ADAMTSL1: variants seen among roughly 807,000 people sequenced by gnomAD.
ADAMTSL1 encodes ADAMTS-like protein 1.
In ADAMTSL1, 126 loss-of-function variants were observed where a neutral mutation model predicts 201.8. That is an observed-to-expected ratio of 0.62 (90% CI 0.54 to 0.72). ADAMTSL1 has a LOEUF of 0.72. ADAMTSL1 is among the 30% of genes least tolerant of loss of function. ADAMTSL1 has a pLI of 0.00. For synonymous variants in ADAMTSL1, 1,121 were observed against 903.4 expected (o/e 1.24, Z -4.32); for missense variants, 2,679 against 2,277.8 (o/e 1.18, Z -3.59).
chr9:18,775,733 T>A lies in ADAMTSL1; in HGVS notation c.2398-10T>A. The A allele has an allele frequency of 6.2e-7, 1 of 1,611,836 alleles. No individual in the cohort carries two copies. The highest frequency in any genetic ancestry group is 1.3e-5 in the African/African-American group (1 of 75,014). ...AATTTATGTGCATTTGGCCTTTCTT[T>A]CTCCACCAGTGTTCCACAAGCTGCG... On this transcript the variant is annotated splice_polypyrimidine_tract_variant and intron_variant, in intron 17 of 28. Coordinates refer to ENST00000380548, the MANE Select transcript of ADAMTSL1 (RefSeq NM_001040272.6).
intron 14 of ADAMTSL1, among the ~76,000 whole-genome samples, chr9:18,719,879 G>A (rs1288024400): frequency 6.6e-6 from 1 of 152,132 alleles, no homozygotes; most frequent in Non-Finnish European, 1.5e-5. Context: ...TGGGTCAACT[G>A]TACTATACTA....
At chr9:18,162,668 T>G (rs544047954) in intron 1 of ADAMTSL1, among the ~76,000 whole-genome samples, 1 of 151,988 alleles carries the variant, frequency 6.6e-6, no homozygotes, top group Non-Finnish European at 1.5e-5. Flanking sequence ...ACTAATTTAT[T>G]ATGCATTATT....
At chr9:18,058,142 T>C (rs1040485779) in intron 1 of ADAMTSL1, among the ~76,000 whole-genome samples, 5 of 152,196 alleles carry the variant, frequency 3.3e-5, no homozygotes, top group Non-Finnish European at 5.9e-5. Context: ...ATTAAATGAA[T>C]GGAAGAATAA....
intron 23 of ADAMTSL1, among the ~76,000 whole-genome samples, chr9:18,839,089 T>C (rs1035723807): frequency 6.6e-6 from 1 of 150,970 alleles, no homozygotes; most frequent in African/African-American, 2.4e-5. Context: ...AATGTGCAGG[T>C]TACTTACATA....
chr9:18,551,330 T>TA (rs1654022104), intron 3 of ADAMTSL1, among the ~76,000 whole-genome samples: 2 of 151,950 alleles, frequency 1.3e-5, no homozygotes, highest in Non-Finnish European at 2.9e-5. Flanking sequence ...ATAATTTGTT[T>TA]AGGACAATTT....
chr9:18,431,634 T>C (rs1819494841), intron 2 of ADAMTSL1, among the ~76,000 whole-genome samples: 1 of 152,152 alleles, frequency 6.6e-6, no homozygotes, highest in African/African-American at 2.4e-5. Context: ...ACCCAGCCTC[T>C]GCTTGAACAT....
chr9:18,023,115 T>C (rs1446684515), intron 1 of ADAMTSL1, among the ~76,000 whole-genome samples: 6 of 150,818 alleles, frequency 4.0e-5, no homozygotes, highest in Admixed American at 2.7e-4. Flanking sequence ...TGATGGTTTC[T>C]AGATCTCTAG....
intron 22 of ADAMTSL1, among the ~76,000 whole-genome samples, chr9:18,828,711 A>G (rs12375862): frequency 0.76 from 74,940 of 99,098 alleles, 28,752 homozygotes; most frequent in Non-Finnish European, 0.81. Context: ...GTGTGTGTGT[A>G]TATATATATA....
intron 1 of ADAMTSL1, among the ~76,000 whole-genome samples, chr9:17,917,745 C>T (rs983161933): frequency 1.3e-5 from 2 of 151,920 alleles, no homozygotes; most frequent in African/African-American, 4.8e-5. Flanking sequence ...TCTGCAATCT[C>T]TATATGATTT....
At chr9:18,331,697 G>T (rs1835035332) in intron 2 of ADAMTSL1, among the ~76,000 whole-genome samples, 2 of 152,116 alleles carry the variant, frequency 1.3e-5, no homozygotes, top group African/African-American at 2.4e-5. Flanking sequence ...CTATCCTATT[G>T]CCACCTTTCC....
chr9:18,648,080 G>A (rs1192524240), intron 7 of ADAMTSL1, among the ~76,000 whole-genome samples: 1 of 146,676 alleles, frequency 6.8e-6, no homozygotes, highest in Non-Finnish European at 1.5e-5. Flanking sequence ...CCTGTATTGG[G>A]TGCATATATA....
chr9:18,141,116 T>C (rs1384319146), intron 1 of ADAMTSL1, among the ~76,000 whole-genome samples: 1 of 152,180 alleles, frequency 6.6e-6, no homozygotes, highest in African/African-American at 2.4e-5. Context: ...AGCCCTGGGC[T>C]CGAAGCTAGT....
intron 5 of ADAMTSL1, among the ~76,000 whole-genome samples, chr9:18,634,500 C>T (rs982689876): frequency 6.6e-6 from 1 of 151,790 alleles, no homozygotes; most frequent in Admixed American, 6.6e-5. Context: ...GAAGCTAAGG[C>T]TGCAGTGAGC....
chr9:18,590,880 G>A (rs774666992), intron 4 of ADAMTSL1, among the ~76,000 whole-genome samples: 2 of 151,852 alleles, frequency 1.3e-5, no homozygotes, highest in Non-Finnish European at 2.9e-5. Context: ...ATTTCATTGT[G>A]GTCAAAAAAG....
intron 1 of ADAMTSL1, among the ~76,000 whole-genome samples, chr9:18,152,654 A>G (rs569004972): frequency 6.6e-6 from 1 of 152,034 alleles, no homozygotes; most frequent in Middle Eastern, 3.4e-3. Flanking sequence ...GATTTTCAAG[A>G]AGGAGGATAT....
At chr9:18,002,723 C>T (rs1036966512) in intron 1 of ADAMTSL1, among the ~76,000 whole-genome samples, 3 of 151,942 alleles carry the variant, frequency 2.0e-5, no homozygotes, top group Non-Finnish European at 2.9e-5. Context: ...CTGTAACTGT[C>T]AGATATTGTT....
chr9:18,380,818 T>C (rs1016394900), intron 2 of ADAMTSL1, among the ~76,000 whole-genome samples: 2 of 152,216 alleles, frequency 1.3e-5, no homozygotes, highest in Non-Finnish European at 2.9e-5. Context: ...CCTCATTTAC[T>C]ACAGTCCATC....
chr9:18,812,914 G>T (rs1269651655), intron 20 of ADAMTSL1, among the ~76,000 whole-genome samples: 2 of 150,482 alleles, frequency 1.3e-5, no homozygotes, highest in Non-Finnish European at 3.0e-5. Flanking sequence ...TTGGGTTACT[G>T]TAGCTTTATA....
intron 2 of ADAMTSL1, among the ~76,000 whole-genome samples, chr9:18,520,414 G>A (rs1405833574): frequency 6.6e-6 from 1 of 152,180 alleles, no homozygotes; most frequent in Non-Finnish European, 1.5e-5. Context: ...TTTTTATAAT[G>A]ACAGATTAGG....
Sources: allele counts gnomAD v4.1 joint callset (sites outside exome capture counted in the v4.1 genomes callset), GRCh38; gene constraint gnomAD v4.1.1; transcripts MANE v1.5; gene names NCBI Gene and HGNC (gene_info 2026-07-23, HGNC 2026-07-21).